The following PDLIM7 variants were observed in gnomAD, a reference collection of about 807,000 sequenced individuals.
PDLIM7 encodes the protein PDZ and LIM domain 7.
Under a neutral mutation model 53.9 loss-of-function variants are expected in PDLIM7, and 37 were observed. That is an observed-to-expected ratio of 0.69 (90% CI 0.53 to 0.90). The LOEUF is 0.90. Among genes scored for constraint, PDLIM7 ranks in the 40% least tolerant of loss-of-function variants. The pLI, the probability that PDLIM7 is intolerant of heterozygous loss-of-function variation, is 0.00. For synonymous variants in PDLIM7, 300 were observed against 261.3 expected (o/e 1.15, Z -1.43); for missense variants, 617 against 638.5 (o/e 0.97, Z 0.36).
chr5:177,489,955 T>G, intron 7 of PDLIM7, 123 bp from the exon 8 acceptor site: 1 of 1,536,834 alleles, frequency 6.5e-7, no homozygotes, highest in South Asian at 1.2e-5. Context: ...CGAGTTGGAT[T>G]CCAGGTCCCA....
At position 177,492,641 on chromosome 5, in the gene PDLIM7, C is replaced by G; in HGVS notation, c.133G>C (p.Ala45Pro). Residue 45 changes from alanine to proline, a missense_variant, in exon 3 of 13, where the codon GCC (alanine) becomes CCC (proline). By Grantham distance (27) the Ala-to-Pro change is conservative. Transcript: ENST00000355841. ...ATGCTCAGCACCCAGTCACCCACGG[C>G]CACTCCGGCCTGCGCCGCTTTGCCC... is the stretch of plus-strand genomic sequence containing the variant. The part of the protein sequence containing the change: ...PGGKAAQAGV[A>P]VGDWVLSIDG... The G allele has an allele frequency of 1.2e-6, 2 of 1,608,744 alleles. No homozygotes were observed. Among genetic ancestry groups the G allele is most frequent in the Non-Finnish European group, 1.7e-6 (2 of 1,179,972 alleles).
In PDLIM7 at chr5:177,488,097, A is replaced by G; in HGVS notation, c.1021T>C (p.Cys341Arg). 2 of 1,607,942 alleles carry G rather than the reference A, an allele frequency of 1.2e-6. No homozygotes were observed. Among genetic ancestry groups the G allele is most frequent in the South Asian group, 1.1e-5 (1 of 90,592 alleles). Residue 341 changes from cysteine to arginine, a missense_variant, in exon 10 of 13, where the codon TGT (cysteine) becomes CGT (arginine). Physicochemically the swap from Cys to Arg is radical, Grantham distance 180 (BLOSUM62 -3). Coordinates refer to ENST00000355841, the MANE Select transcript of PDLIM7 (RefSeq NM_005451.5). ...PCYDVRYAPS[C>R]AKCKKKITGE... ...GTAATCTTCTTCTTGCACTTGGCACAGCTGGGTGCATAGCGCACGTCATAG... is the reference window on the plus strand; with the variant it reads ...GTAATCTTCTTCTTGCACTTGGCACGGCTGGGTGCATAGCGCACGTCATAG...
intron 4 of PDLIM7, 64 bp downstream of exon 4, chr5:177,492,341 C>G: frequency 6.3e-7 from 1 of 1,582,518 alleles, no homozygotes; most frequent in South Asian, 1.1e-5. Flanking sequence ...GCCAGGAGGG[C>G]GAGCAGGCCT....
intron 5 of PDLIM7, 164 bp from the exon 6 acceptor site, chr5:177,491,310 G>A (rs1480890489): frequency 1.4e-5 from 20 of 1,470,302 alleles, no homozygotes; most frequent in East Asian, 2.4e-5. Flanking sequence ...ACAGGAGGGC[G>A]AAGTGGAGAG....
intron 5 of PDLIM7, 167 bp from the exon 6 acceptor site, chr5:177,491,313 G>A: frequency 6.7e-7 from 1 of 1,483,012 alleles, no homozygotes; most frequent in South Asian, 1.2e-5. Flanking sequence ...GGAGGGCGAA[G>A]TGGAGAGGAG....
At chr5:177,494,902 G>A (rs1224589405) in intron 2 of PDLIM7, 1 of 152,276 alleles carries the variant, frequency 6.6e-6, no homozygotes, top group East Asian at 1.9e-4. Flanking sequence ...GGGAGGGGGA[G>A]GGGGCTGGCC....
Position 177,491,853 on chromosome 5 carries a change from G to A in PDLIM7, c.352C>T (p.Pro118Ser). The A allele has an allele frequency of 2.3e-6, 3 of 1,283,904 alleles. No homozygotes were observed. The highest frequency in any genetic ancestry group is 3.0e-6 in the Non-Finnish European group (3 of 1,012,174). The allele number at this position is 1,283,904 out of a possible 1,614,324, so 79.5% of individuals were successfully genotyped here. A position where few individuals can be genotyped will look rare whatever the true frequency, so the allele number is the denominator to read the frequency against. Residue 118 changes from proline to serine, a missense_variant, in exon 5 of 13, where the codon CCC (proline) becomes TCC (serine). Pro to Ser is a moderately conservative substitution (Grantham distance 74, BLOSUM62 -1). Coordinates refer to ENST00000355841, the MANE Select transcript of PDLIM7 (RefSeq NM_005451.5). ...TCAGCGGGCGGGGGCGCCCCAAAGGGCCGGGCCGTCTTGTTGAGGGAGACG... is the reference window on the plus strand; with the variant it reads ...TCAGCGGGCGGGGGCGCCCCAAAGGACCGGGCCGTCTTGTTGAGGGAGACG... ...PSVSLNKTAR[P>S]FGAPPPADSA... is the part of the protein sequence containing the mutation.
chr5:177,490,511 T>G (rs1373903394), intron 7 of PDLIM7: 1 of 1,561,194 alleles, frequency 6.4e-7, no homozygotes, highest in South Asian at 1.2e-5. Flanking sequence ...GACTGCACGT[T>G]GAGCACGTGG....
chr5:177,489,853 G>T, intron 7 of PDLIM7, 21 bp from the exon 8 acceptor site: 1 of 1,572,820 alleles, frequency 6.4e-7, no homozygotes, highest in East Asian at 2.3e-5. Context: ...TGCCATTCAA[G>T]GCCCTGCATG....
At chr5:177,492,814 C>A in intron 2 of PDLIM7, 137 bp from the exon 3 acceptor site, 1 of 965,752 alleles carries the variant, frequency 1.0e-6, no homozygotes. Flanking sequence ...TAGTTCTAGG[C>A]AGCTGCTGGA....
At chr5:177,489,932 G>A (rs1317938218) in intron 7 of PDLIM7, 100 bp from the exon 8 acceptor site, 1 of 1,538,492 alleles carries the variant, frequency 6.5e-7, no homozygotes, top group South Asian at 1.2e-5. Flanking sequence ...ATGACTGGGG[G>A]CGTGGAAACT....
chr5:177,492,460 G>C (rs1758846954), intron 3 of PDLIM7, 25 bp from the exon 4 acceptor site: 1 of 1,613,594 alleles, frequency 6.2e-7, no homozygotes, highest in Non-Finnish European at 8.5e-7. Flanking sequence ...AAGCGTGACA[G>C]CGGGCCGGGC....
rs1192924987 is a variant in PDLIM7 at position 177,497,399 on chromosome 5, G to A, written c.-12+129C>T. Reference sequence around the variant, plus strand: ...CGGCAGGAAGGCGGGGGCGGGGGCGGAGGCAGGGGCCAGGGCCAGCGGGAG... The same window carrying A: ...CGGCAGGAAGGCGGGGGCGGGGGCGAAGGCAGGGGCCAGGGCCAGCGGGAG... On this transcript the variant is annotated intron_variant, in intron 1 of 12. Transcript: ENST00000355841. 3.3e-5 allele frequency: 5 copies of A among 152,382 alleles called. No homozygotes were observed. The East Asian group carries it at 7.8e-4, about 24-fold the overall frequency. 9.4% of individuals were successfully genotyped at this position (152,382 alleles called of 1,614,324 possible). A position where few individuals can be genotyped will look rare whatever the true frequency, so the allele number is the denominator to read the frequency against.
rs1220799606 is a variant in PDLIM7 at position 177,488,264 on chromosome 5, A to C, written c.870-16T>G. 1 of 1,583,838 alleles carries C rather than the reference A, an allele frequency of 6.3e-7. No homozygotes were observed. Among genetic ancestry groups the C allele is most frequent in the African/African-American group, 1.3e-5 (1 of 74,320 alleles). ...GTAGCGGCCCCTGCAGGGAGGCGAGAGCGGTCAGAGGGAGCACACGCAGAG... is the reference window on the plus strand; with the variant it reads ...GTAGCGGCCCCTGCAGGGAGGCGAGCGCGGTCAGAGGGAGCACACGCAGAG... On this transcript the variant is annotated splice_polypyrimidine_tract_variant and intron_variant, in intron 9 of 12. Coordinates refer to ENST00000355841, the MANE Select transcript of PDLIM7 (RefSeq NM_005451.5).
At chr5:177,492,235 T>A (rs1307677539) in intron 4 of PDLIM7, 170 bp downstream of exon 4, 1 of 780,008 alleles carries the variant, frequency 1.3e-6, no homozygotes, top group East Asian at 2.7e-5. Context: ...GCCAGGACCG[T>A]GCAGCAGCCC....
At chr5:177,497,097 T>C (rs1759128782) in intron 1 of PDLIM7, among the ~76,000 whole-genome samples, 1 of 146,262 alleles carries the variant, frequency 6.8e-6, no homozygotes, top group African/African-American at 2.5e-5. Flanking sequence ...TCGAGGCTGC[T>C]GGGAGCCAGG....
In PDLIM7 at chr5:177,492,878, G is replaced by C. The variant is rs1044473641; in HGVS notation, c.97-201C>G. 3 of 586,486 alleles carry C rather than the reference G, an allele frequency of 5.1e-6. No homozygotes were observed. In the African/African-American group the frequency reaches 5.6e-5, roughly 11 times the overall value. 36.3% of individuals were successfully genotyped at this position (586,486 alleles called of 1,614,324 possible). On this transcript the variant is annotated intron_variant, in intron 2 of 12. Coordinates refer to ENST00000355841, the MANE Select transcript of PDLIM7 (RefSeq NM_005451.5). ...CTCACCTGAGCTTCACAATTTCCCA[G>C]TCACACTGCTTATTTATTCACTGCC...
Position 177,483,732 on chromosome 5 carries a change from T to A in PDLIM7, c.1288-2A>T. Reference sequence around the variant, plus strand: ...TCCTTCCAGGTTGATCTGACATATCTAAGGACAGCAAAGGCCCAGTCACAT... The same window carrying A: ...TCCTTCCAGGTTGATCTGACATATCAAAGGACAGCAAAGGCCCAGTCACAT... On this transcript the variant is annotated splice_acceptor_variant, in intron 12 of 12. Transcript: ENST00000355841. LOFTEE classifies it high-confidence loss of function. 6.2e-7 allele frequency: 1 copy of A among 1,611,360 alleles called. No homozygotes were observed. The highest frequency in any genetic ancestry group is 1.7e-5 in the Admixed American group (1 of 59,964).
chr5:177,483,428 G>A lies in PDLIM7; in HGVS notation c.*216C>T, dbSNP rs770551106. The A allele has an allele frequency of 1.3e-5, 7 of 530,276 alleles. No homozygotes were observed. The highest frequency in any genetic ancestry group is 6.6e-5 in the Admixed American group (2 of 30,204). 32.8% of individuals were successfully genotyped at this position (530,276 alleles called of 1,614,324 possible). A position where few individuals can be genotyped will look rare whatever the true frequency, so the allele number is the denominator to read the frequency against. ...GTACAGGTTTATTGTGGCACTGGAGGTGAAAGGGGGCTGGTGTGGCCAGCA... is the reference window on the plus strand; with the variant it reads ...GTACAGGTTTATTGTGGCACTGGAGATGAAAGGGGGCTGGTGTGGCCAGCA... On this transcript the variant is annotated 3_prime_UTR_variant, in exon 13 of 13. Coordinates refer to ENST00000355841, the MANE Select transcript of PDLIM7 (RefSeq NM_005451.5).
Sources: gnomAD v4.1 joint callset for allele counts (sites outside exome capture counted in the v4.1 genomes callset) on GRCh38, gnomAD v4.1.1 for gene constraint, MANE v1.5 for transcripts, NCBI Gene and HGNC (gene_info 2026-07-23, HGNC 2026-07-21) for gene names.